Variants in ZNF257 observed in about 807,000 individuals in gnomAD.
ZNF257 encodes bone marrow zinc finger 4.
A neutral mutation model predicts 11.9 loss-of-function variants in ZNF257; 12 were observed. The observed-to-expected ratio is 1.01, with a 90% confidence interval of 0.65 to 1.63. The LOEUF is 1.63. Ranked by LOEUF, ZNF257 falls within the 40% of genes most tolerant of loss-of-function variation. The pLI is 0.00. For synonymous variants in ZNF257, 183 were observed against 222.7 expected (o/e 0.82, Z 1.59); for missense variants, 580 against 665.5 (o/e 0.87, Z 1.41).
intron 3 of ZNF257, among the ~76,000 whole-genome samples, chr19:22,085,368 T>C (rs2022453414): frequency 6.6e-6 from 1 of 152,102 alleles, no homozygotes. Flanking sequence ...GATGCCTGGC[T>C]CAAAATTTTA....
chr19:22,061,965 T>A (rs1343607590), intron 1 of ZNF257, among the ~76,000 whole-genome samples: 1 of 152,134 alleles, frequency 6.6e-6, no homozygotes, highest in African/African-American at 2.4e-5. Context: ...GATGAACCAA[T>A]CTTACATCCC....
Position 22,088,871 on chromosome 19 carries a change from G to T in ZNF257, c.1121G>T (p.Cys374Phe), listed in dbSNP as rs1467416242. The change falls in exon 4 of 4, where the codon TGT becomes TTT. Residue 374 changes from cysteine to phenylalanine, a missense_variant. Cys to Phe is a radical substitution (Grantham distance 205). Transcript: ENST00000594947. ...IIHTKEKPYK[C>F]EECGKAFNRS... The stretch of plus-strand genomic sequence containing the variant: ...CATACTAAAGAGAAACCCTACAAAT[G>T]TGAAGAGTGTGGAAAAGCCTTTAAC... The T allele has an allele frequency of 6.2e-7, 1 of 1,612,550 alleles. No individual in the cohort carries two copies. Among genetic ancestry groups the T allele is most frequent in the African/African-American group, 1.3e-5 (1 of 74,524 alleles).
At chr19:22,082,246 C>T (rs1398398400) in intron 3 of ZNF257, among the ~76,000 whole-genome samples, 1 of 152,004 alleles carries the variant, frequency 6.6e-6, no homozygotes. Context: ...TAAAGGATTC[C>T]ATGTGTGTCT....
chr19:22,064,159 A>G (rs1485303623), intron 1 of ZNF257: 1 of 152,352 alleles, frequency 6.6e-6, no homozygotes, highest in Middle Eastern at 3.4e-3. Flanking sequence ...TGAGATGTCC[A>G]AGAATTCAAG....
At chr19:22,055,631 G>A (rs1356698680) in intron 1 of ZNF257, among the ~76,000 whole-genome samples, 3 of 152,204 alleles carry the variant, frequency 2.0e-5, no homozygotes, top group African/African-American at 7.2e-5. Context: ...TTTCTCCTGA[G>A]AGAGTGGTTA....
At chr19:22,061,871 T>C (rs73019832) in intron 1 of ZNF257, among the ~76,000 whole-genome samples, 7,233 of 152,182 alleles carry the variant, frequency 0.048, 216 homozygotes, top group Middle Eastern at 0.096. Context: ...TGAAAGCTTT[T>C]TTTTTTTGTT....
chr19:22,072,999 T>TA (rs1212079999), intron 2 of ZNF257, 64 bp downstream of exon 2: 8 of 1,443,270 alleles, frequency 5.5e-6, no homozygotes, highest in African/African-American at 4.5e-5. Flanking sequence ...TATTTATTTT[T>TA]TTTTTTGTAG....
intron 1 of ZNF257, among the ~76,000 whole-genome samples, chr19:22,052,903 G>GA (rs1971735512): frequency 6.6e-6 from 1 of 152,100 alleles, no homozygotes; most frequent in Admixed American, 6.6e-5. Flanking sequence ...CCGCAGCGCC[G>GA]AGTCTCCCCA....
intron 1 of ZNF257, among the ~76,000 whole-genome samples, chr19:22,065,565 G>A (rs1287252144): frequency 1.3e-5 from 2 of 151,968 alleles, no homozygotes; most frequent in Non-Finnish European, 2.9e-5. Flanking sequence ...TATATACTTA[G>A]ATATTTATAT....
chr19:22,089,305 G>T lies in ZNF257; in HGVS notation c.1555G>T (p.Glu519Ter), dbSNP rs563930165. Residue 519 changes from glutamate to a stop codon, truncating the protein, a stop_gained, in exon 4 of 4, where the codon GAA becomes TAA. Coordinates refer to ENST00000594947, the MANE Select transcript of ZNF257 (RefSeq NM_033468.4). LOFTEE classifies it low-confidence loss of function (END_TRUNC). ...HTGEKPYKCE[E>*]CGKPFNRFSY... ...TGGAGAGAAACCCTACAAATGTGAA[G>T]AATGTGGCAAGCCTTTTAATCGTTT... 1.8e-5 allele frequency: 29 copies of T among 1,613,696 alleles called. No homozygotes were observed. Among genetic ancestry groups the T allele is most frequent in the Non-Finnish European group, 2.5e-5 (29 of 1,179,902 alleles).
chr19:22,071,367 C>T (rs1408817488), intron 1 of ZNF257, among the ~76,000 whole-genome samples: 1 of 152,046 alleles, frequency 6.6e-6, no homozygotes, highest in Non-Finnish European at 1.5e-5. Context: ...GTGGTGGTAG[C>T]AGGTAAATGG....
intron 3 of ZNF257, among the ~76,000 whole-genome samples, chr19:22,084,091 G>A (rs2022419585): frequency 6.7e-6 from 1 of 150,080 alleles, no homozygotes; most frequent in African/African-American, 2.5e-5. Context: ...AGTGAGCTGA[G>A]ATCGCGCCAT....
chr19:22,063,802 C>T (rs1009485453), intron 1 of ZNF257, among the ~76,000 whole-genome samples: 1 of 152,128 alleles, frequency 6.6e-6, no homozygotes, highest in Non-Finnish European at 1.5e-5. Flanking sequence ...GAGTTTGTTT[C>T]ACATGGTGAT....
Position 22,059,476 on chromosome 19 carries a change from G to A in ZNF257, c.3+6841G>A, listed in dbSNP as rs182149206. On this transcript the variant is annotated intron_variant, in intron 1 of 3. Coordinates refer to ENST00000594947, the MANE Select transcript of ZNF257 (RefSeq NM_033468.4). ...CTAATTTTTGTATTTTTGGAGGGAC[G>A]GGGTTTCACCATGTTGGCCAGGCTG... 5.5e-3 allele frequency among the ~76,000 whole-genome samples: 829 copies of A among 151,678 alleles called. 2 individuals carry two copies. Among genetic ancestry groups the A allele is most frequent in the African/African-American group, 0.018 (760 of 41,384 alleles).
At chr19:22,072,164 T>C (rs1342054266) in intron 1 of ZNF257, among the ~76,000 whole-genome samples, 1 of 152,182 alleles carries the variant, frequency 6.6e-6, no homozygotes, top group African/African-American at 2.4e-5. Context: ...TTTGTCCTAG[T>C]GCAAGTAACA....
intron 1 of ZNF257, among the ~76,000 whole-genome samples, chr19:22,062,644 G>A (rs572898935): frequency 1.3e-5 from 2 of 151,810 alleles, no homozygotes; most frequent in South Asian, 2.1e-4. Flanking sequence ...CACCACACCC[G>A]GATAATTTTG....
At position 22,088,050 on chromosome 19, in the gene ZNF257, G is replaced by A. The variant is rs567922151; in HGVS notation, c.300G>A (p.Leu100=). ...DIKYFFQKVI[L]RRYDKCEHEN... The stretch of plus-strand genomic sequence containing the variant: ...AATATTTTTTCCAAAAAGTCATACT[G>A]AGGAGATATGATAAATGTGAACATG... The change falls in exon 4 of 4, where the codon CTG becomes CTA. Residue 100 remains leucine, a synonymous_variant. Coordinates refer to ENST00000594947, the MANE Select transcript of ZNF257 (RefSeq NM_033468.4). 1 of 1,599,880 alleles carries A rather than the reference G, an allele frequency of 6.3e-7. No individual in the cohort carries two copies. The highest frequency in any genetic ancestry group is 1.1e-5 in the South Asian group (1 of 89,270).
intron 3 of ZNF257, among the ~76,000 whole-genome samples, chr19:22,079,350 A>G (rs938513714): frequency 1.3e-5 from 2 of 152,118 alleles, no homozygotes; most frequent in Non-Finnish European, 2.9e-5. Flanking sequence ...GTTGTAATCA[A>G]GGTTTAAACT....
chr19:22,063,570 T>G (rs2021864298), intron 1 of ZNF257, among the ~76,000 whole-genome samples: 1 of 152,252 alleles, frequency 6.6e-6, no homozygotes, highest in African/African-American at 2.4e-5. Flanking sequence ...TTCTCAGTTG[T>G]TTCAAACAAC....
Sources: gnomAD v4.1 joint callset for allele counts (sites outside exome capture counted in the v4.1 genomes callset) on GRCh38, gnomAD v4.1.1 for gene constraint, MANE v1.5 for transcripts, NCBI Gene and HGNC (gene_info 2026-07-23, HGNC 2026-07-21) for gene names.